Variants in GLT1D1 observed in about 807,000 individuals in gnomAD.
GLT1D1 encodes glycosyltransferase 1 domain containing 1.
A neutral mutation model predicts 28.7 loss-of-function variants in GLT1D1; 21 were observed. The observed-to-expected ratio is 0.73, with a 90% CI of 0.52 to 1.05. The LOEUF (loss-of-function observed/expected upper bound fraction) is 1.05. GLT1D1 is among the 50% of genes least tolerant of loss of function. The pLI is 0.00. For missense variants in GLT1D1, 343 were observed against 330.6 expected (o/e 1.04, Z -0.29); for synonymous variants, 147 against 124.8 (o/e 1.18, Z -1.19).
rs1290236212 is a variant in GLT1D1, at chr12:128,899,601, G to A, written c.375+314G>A. On this transcript the variant is annotated intron_variant, in intron 4 of 7. Transcript: ENST00000281703. ...GTCTTGCTCTGTCACCTAGGCTGGAGTGCAATGGCGTGATCTCAGCTCACT... is the reference window on the plus strand; with the variant it reads ...GTCTTGCTCTGTCACCTAGGCTGGAATGCAATGGCGTGATCTCAGCTCACT... Among the ~76,000 whole-genome samples the A allele has an allele frequency of 8.4e-5, 12 of 142,430 alleles. No homozygotes were observed. The Admixed American group carries it at 8.7e-4, about 10-fold the overall frequency. 93.4% of individuals were successfully genotyped at this position (142,430 alleles called of 152,430 possible).
chr12:128,854,115 C>G (rs1956145406), intron 1 of GLT1D1, among the ~76,000 whole-genome samples: 1 of 152,180 alleles, frequency 6.6e-6, no homozygotes, highest in Non-Finnish European at 1.5e-5. Flanking sequence ...CCCGAAGTCC[C>G]TTTCCCACCT....
At chr12:128,865,974 G>C (rs73438324) in intron 1 of GLT1D1, among the ~76,000 whole-genome samples, 3,136 of 152,108 alleles carry the variant, frequency 0.021, 101 homozygotes, top group African/African-American at 0.071. Context: ...AGGAGGATGT[G>C]TGAAGGTGAT....
intron 7 of GLT1D1, among the ~76,000 whole-genome samples, chr12:128,969,724 G>A (rs1186223940): frequency 1.3e-5 from 2 of 152,234 alleles, no homozygotes; most frequent in African/African-American, 4.8e-5. Context: ...AGAGAGGGAA[G>A]AGGCAGAGAG....
chr12:128,979,586 T>C (rs1274495169), intron 7 of GLT1D1, among the ~76,000 whole-genome samples: 7 of 152,030 alleles, frequency 4.6e-5, no homozygotes, highest in Non-Finnish European at 7.4e-5. Flanking sequence ...AAACCCCGTC[T>C]CCAGAAAAAA....
At chr12:128,973,891 GGT>G (rs148486486) in intron 7 of GLT1D1, among the ~76,000 whole-genome samples, 29,895 of 140,152 alleles carry the variant, frequency 0.21, 3,586 homozygotes, top group Non-Finnish European at 0.29. Context: ...GTGTGTAGGG[GGT>G]GTGTGTGTAG....
At chr12:128,894,681 T>A (rs1869430084) in intron 3 of GLT1D1, among the ~76,000 whole-genome samples, 1 of 151,576 alleles carries the variant, frequency 6.6e-6, no homozygotes, top group Non-Finnish European at 1.5e-5. Flanking sequence ...TCATCTCTAC[T>A]AAAAATACAG....
At chr12:128,880,552 T>G (rs1178474076) in intron 2 of GLT1D1, among the ~76,000 whole-genome samples, 1 of 152,228 alleles carries the variant, frequency 6.6e-6, no homozygotes, top group Non-Finnish European at 1.5e-5. Context: ...GCTGTCCCTG[T>G]GCACCGTGAG....
At chr12:128,948,001 T>C (rs1876303401) in intron 6 of GLT1D1, among the ~76,000 whole-genome samples, 1 of 152,146 alleles carries the variant, frequency 6.6e-6, no homozygotes, top group Non-Finnish European at 1.5e-5. Flanking sequence ...CGCTTCATCT[T>C]TTTTGACAAA....
intron 1 of GLT1D1, among the ~76,000 whole-genome samples, chr12:128,875,706 G>C (rs1196829645): frequency 6.6e-6 from 1 of 151,910 alleles, no homozygotes; most frequent in African/African-American, 2.4e-5. Flanking sequence ...ACTGAGGCAG[G>C]AGAATCGCTT....
intron 7 of GLT1D1, among the ~76,000 whole-genome samples, chr12:128,977,506 C>T (rs1879878760): frequency 6.6e-6 from 1 of 152,100 alleles, no homozygotes; most frequent in Non-Finnish European, 1.5e-5. Flanking sequence ...ACATGGAACA[C>T]TTTTACATAA....
chr12:128,936,312 A>G (rs618327), intron 4 of GLT1D1, among the ~76,000 whole-genome samples: 151,336 of 151,512 alleles, frequency 1, 75,580 homozygotes, highest in Middle Eastern at 1. Flanking sequence ...CCGCCACCAC[A>G]CCCAGCTAAT....
intron 4 of GLT1D1, among the ~76,000 whole-genome samples, chr12:128,940,423 C>T (rs763673038): frequency 6.6e-6 from 1 of 152,104 alleles, no homozygotes; most frequent in Non-Finnish European, 1.5e-5. Flanking sequence ...ATTGGACAGA[C>T]GAGCAAACTG....
intron 3 of GLT1D1, 55 bp downstream of exon 3, chr12:128,888,799 T>C: frequency 2.4e-6 from 3 of 1,226,920 alleles, no homozygotes; most frequent in Non-Finnish European, 3.5e-6. Context: ...GTGAATTGAA[T>C]TAATTGAAAC....
intron 3 of GLT1D1, among the ~76,000 whole-genome samples, chr12:128,898,537 T>C (rs780887950): frequency 6.6e-6 from 1 of 152,238 alleles, no homozygotes; most frequent in African/African-American, 2.4e-5. Flanking sequence ...AGGTAAACTT[T>C]AAAATTATTT....
At chr12:128,953,008 CT>C (rs1876886138) in intron 6 of GLT1D1, among the ~76,000 whole-genome samples, 1 of 152,098 alleles carries the variant, frequency 6.6e-6, no homozygotes. Flanking sequence ...TCTTGAACTC[CT>C]GGCCTCAAGT....
chr12:128,917,432 C>T (rs755775861), intron 4 of GLT1D1, among the ~76,000 whole-genome samples: 16 of 152,130 alleles, frequency 1.1e-4, no homozygotes, highest in Non-Finnish European at 1.8e-4. Flanking sequence ...CGCCCCACCA[C>T]ACCTGGCTAA....
intron 3 of GLT1D1, among the ~76,000 whole-genome samples, chr12:128,897,955 C>T (rs111297960): frequency 6.6e-6 from 1 of 152,330 alleles, no homozygotes; most frequent in African/African-American, 2.4e-5. Context: ...GTGTGAGCCA[C>T]CAGGCCTGGC....
rs574096877 is a variant in GLT1D1 at position 128,875,819 on chromosome 12, A to C, written c.69-95A>C. 383 of 1,139,294 alleles carry C rather than the reference A, an allele frequency of 3.4e-4. 3 individuals carry two copies. The highest frequency in any genetic ancestry group is 3.0e-3 in the South Asian group (186 of 62,720). 70.6% of individuals were successfully genotyped at this position (1,139,294 alleles called of 1,614,324 possible). On this transcript the variant is annotated intron_variant, in intron 1 of 7. Transcript: ENST00000281703. ...CTGTCTCAACAACAACAACAACAAC[A>C]ACCAAAAAAAAAAAAAGTCTTAACT...
intron 1 of GLT1D1, among the ~76,000 whole-genome samples, chr12:128,860,645 T>C (rs866027863): frequency 3.3e-5 from 5 of 152,310 alleles, no homozygotes; most frequent in African/African-American, 1.2e-4. Flanking sequence ...CTAGTGTGGC[T>C]GCCAGTATGG....
Sources: gnomAD v4.1 joint callset for allele counts (sites outside exome capture counted in the v4.1 genomes callset) on GRCh38, gnomAD v4.1.1 for gene constraint, MANE v1.5 for transcripts, NCBI Gene and HGNC (gene_info 2026-07-23, HGNC 2026-07-21) for gene names.